The following CPQ variants were observed in gnomAD, a reference collection of about 807,000 sequenced individuals.
The protein encoded by CPQ is carboxypeptidase Q, also known as Ser-Met dipeptidase.
A neutral mutation model predicts 45.7 loss-of-function variants in CPQ; 37 were observed. The observed-to-expected ratio is 0.81, with a 90% CI of 0.62 to 1.07. The LOEUF is 1.07. Among genes scored for constraint, CPQ ranks in the 50% least tolerant of loss-of-function variants. The probability of loss-of-function intolerance (pLI) is 0.00; values close to 1 mark genes in which losing one functional copy is unlikely to be tolerated. For missense variants in CPQ, 537 were observed against 572.9 expected, an observed-to-expected ratio of 0.94 and a Z score of 0.64; for synonymous variants, 186 against 205.8, an observed-to-expected ratio of 0.90 and a Z score of 0.82.
chr8:96,781,104 A>G (rs954343558), intron 1 of CPQ, among the ~76,000 whole-genome samples: 8 of 152,154 alleles, frequency 5.3e-5, no homozygotes, highest in Non-Finnish European at 1.0e-4. Context: ...AAAATTTTGC[A>G]TTTGTTATAG....
chr8:96,967,623 G>A (rs1171290263), intron 5 of CPQ, among the ~76,000 whole-genome samples: 1 of 152,192 alleles, frequency 6.6e-6, no homozygotes, highest in Non-Finnish European at 1.5e-5. Context: ...GCTTTTGATA[G>A]CTAGTGACCA....
At chr8:96,877,827 C>G (rs1306986612) in intron 3 of CPQ, among the ~76,000 whole-genome samples, 1 of 152,194 alleles carries the variant, frequency 6.6e-6, no homozygotes, top group African/African-American at 2.4e-5. Flanking sequence ...ACCCCAGAAC[C>G]TGAACCAGAA....
intron 3 of CPQ, among the ~76,000 whole-genome samples, chr8:96,871,037 T>A (rs1391184210): frequency 6.6e-6 from 1 of 152,044 alleles, no homozygotes; most frequent in Non-Finnish European, 1.5e-5. Flanking sequence ...ATACTGATAA[T>A]GATGCACAGA....
In CPQ at chr8:96,835,205, TC is replaced by T. The variant is rs766005478; in HGVS notation, c.641+27del. 7.8e-6 allele frequency: 11 copies of T among 1,405,546 alleles called. No homozygotes were observed. In the African/African-American group the frequency reaches 1.5e-4, roughly 19 times the overall value. The allele number at this position is 1,405,546 out of a possible 1,614,324, so 87.1% of individuals were successfully genotyped here. ...GGTTTGTCACAATGTTCATTTGAAT[TC>T]CTTTCAAAAACAAGGGTTTTCCGTG... is the stretch of plus-strand genomic sequence containing the variant. On this transcript the variant is annotated intron_variant, in intron 3 of 7. Transcript: ENST00000220763.
chr8:96,723,821 A>G (rs1442168382), intron 1 of CPQ, among the ~76,000 whole-genome samples: 1 of 152,158 alleles, frequency 6.6e-6, no homozygotes, highest in African/African-American at 2.4e-5. Context: ...ATCTCAAACA[A>G]AACTAACTCT....
chr8:97,123,167 TAAAATAAAATATAAA>T (rs1196189228), intron 7 of CPQ, among the ~76,000 whole-genome samples: 6 of 45,450 alleles, frequency 1.3e-4, no homozygotes, highest in East Asian at 7.7e-4. Flanking sequence ...TAAAATAAAA[TAAAATAAAATATAAA>T]ATAAAATAAA....
At chr8:97,128,862 T>G (rs190246988) in intron 7 of CPQ, among the ~76,000 whole-genome samples, 1 of 152,296 alleles carries the variant, frequency 6.6e-6, no homozygotes, top group African/African-American at 2.4e-5. Context: ...GATTTAAACA[T>G]TAGATGATGG....
At position 96,744,304 on chromosome 8, in the gene CPQ, C is replaced by T. The variant is rs186187951; in HGVS notation, c.-34-40560C>T. Reference sequence around the variant, plus strand: ...GAACTCCCTGACCCCTTGTGCTTCCCGAGTGAGGCAATGCCTCGCCCTGCT... The same window carrying T: ...GAACTCCCTGACCCCTTGTGCTTCCTGAGTGAGGCAATGCCTCGCCCTGCT... On this transcript the variant is annotated intron_variant, in intron 1 of 7. Transcript: ENST00000220763. Among the ~76,000 whole-genome samples, 127 of 152,352 alleles carry T rather than the reference C, an allele frequency of 8.3e-4. 3 individuals carry two copies. The East Asian group carries it at 0.019, about 23-fold the overall frequency.
At chr8:96,883,809 A>G (rs1434234609) in intron 4 of CPQ, among the ~76,000 whole-genome samples, 2 of 152,216 alleles carry the variant, frequency 1.3e-5, no homozygotes, top group Non-Finnish European at 2.9e-5. Context: ...GTCATCTCCT[A>G]GCAGAACTTG....
At chr8:96,868,338 G>T (rs567270422) in intron 3 of CPQ, among the ~76,000 whole-genome samples, 1 of 152,028 alleles carries the variant, frequency 6.6e-6, no homozygotes, top group Non-Finnish European at 1.5e-5. Context: ...AGACCTTGTG[G>T]TCATCTTATA....
intron 3 of CPQ, among the ~76,000 whole-genome samples, chr8:96,870,963 G>A (rs1010958470): frequency 1.3e-5 from 2 of 151,974 alleles, no homozygotes; most frequent in African/African-American, 4.8e-5. Context: ...AGGCCAAGGG[G>A]AAGAAAATTT....
At chr8:96,842,298 C>T (rs999039259) in intron 3 of CPQ, among the ~76,000 whole-genome samples, 15 of 152,108 alleles carry the variant, frequency 9.9e-5, no homozygotes, top group Non-Finnish European at 2.2e-4. Context: ...AGATAATTAG[C>T]TATCAAGCTT....
intron 6 of CPQ, among the ~76,000 whole-genome samples, chr8:97,049,423 C>T (rs375371813): frequency 2.0e-5 from 3 of 152,168 alleles, no homozygotes; most frequent in African/African-American, 7.2e-5. Context: ...TCAAAGCAAT[C>T]AGATTATGAA....
At chr8:97,000,465 C>T (rs1316546010) in intron 5 of CPQ, among the ~76,000 whole-genome samples, 2 of 152,082 alleles carry the variant, frequency 1.3e-5, no homozygotes, top group Non-Finnish European at 2.9e-5. Context: ...TATGGCTAGC[C>T]AGTTATTCCA....
At chr8:96,714,622 AT>A (rs138335455) in intron 1 of CPQ, among the ~76,000 whole-genome samples, 3,641 of 151,594 alleles carry the variant, frequency 0.024, 161 homozygotes, top group African/African-American at 0.083. Flanking sequence ...CAACCTTTTG[AT>A]TTTTTTTATC....
chr8:96,693,664 A>G (rs1809334495), intron 1 of CPQ, among the ~76,000 whole-genome samples: 2 of 152,196 alleles, frequency 1.3e-5, no homozygotes, highest in African/African-American at 4.8e-5. Flanking sequence ...GACCAAAAAA[A>G]AGGCTGAGGG....
At chr8:96,821,451 G>T (rs758203921) in intron 2 of CPQ, among the ~76,000 whole-genome samples, 1 of 151,660 alleles carries the variant, frequency 6.6e-6, no homozygotes, top group Non-Finnish European at 1.5e-5. Context: ...TATCCATTTT[G>T]ATTTGATTTT....
intron 6 of CPQ, among the ~76,000 whole-genome samples, chr8:97,058,687 T>G (rs1563568688): frequency 6.6e-6 from 1 of 152,110 alleles, no homozygotes; most frequent in East Asian, 1.9e-4. Context: ...GTTGGCACTT[T>G]CTCTTCTACA....
rs1348200895 is a variant in CPQ, at chr8:96,989,679, ATAAAAT to A, written c.961+23639_961+23644del. Among the ~76,000 whole-genome samples the A allele has an allele frequency of 2.0e-5, 3 of 152,260 alleles. No individual in the cohort carries two copies. In the South Asian group the frequency reaches 6.2e-4, roughly 32 times the overall value. On this transcript the variant is annotated intron_variant, in intron 5 of 7. Transcript: ENST00000220763. ...GAAATTCCAAAGGCTCTCAGCTGTGATAAAATTAAAAGGACATATTCCTATTTGTTC... is the reference window on the plus strand; with the variant it reads ...GAAATTCCAAAGGCTCTCAGCTGTGATAAAAGGACATATTCCTATTTGTTC...
Sources: allele counts gnomAD v4.1 joint callset (sites outside exome capture counted in the v4.1 genomes callset), GRCh38; gene constraint gnomAD v4.1.1; transcripts MANE v1.5; gene names NCBI Gene and HGNC (gene_info 2026-07-23, HGNC 2026-07-21).